MPRIP: variants seen among roughly 807,000 people sequenced by gnomAD.
MPRIP encodes the protein myosin phosphatase Rho-interacting protein.
MPRIP carries 59 observed loss-of-function variants against 234.9 expected under a neutral mutation model. The observed-to-expected ratio is 0.25, with a 90% confidence interval of 0.20 to 0.31. MPRIP has a LOEUF of 0.31. Among genes scored for constraint, MPRIP ranks in the 10% least tolerant of loss-of-function variants. The probability of loss-of-function intolerance (pLI) is 1.00; values close to 1 mark genes in which losing one functional copy is unlikely to be tolerated. For synonymous variants in MPRIP, 1,144 were observed against 1,263.9 expected, an observed-to-expected ratio of 0.91 and a Z score of 2.01; for missense variants, 2,436 against 3,071.0, an observed-to-expected ratio of 0.79 and a Z score of 4.89.
intron 16 of MPRIP, chr17:17,170,240 A>C (rs1416648079): frequency 6.6e-6 from 1 of 151,558 alleles, no homozygotes; most frequent in Admixed American, 6.6e-5. Context: ...TAAATGTGTT[A>C]ACTGAGAAGC....
At chr17:17,073,631 G>A (rs1249555177) in intron 1 of MPRIP, among the ~76,000 whole-genome samples, 3 of 152,110 alleles carry the variant, frequency 2.0e-5, no homozygotes, top group Non-Finnish European at 4.4e-5. Context: ...GGGAGTCACA[G>A]AGTCCAGATA....
Position 17,058,271 on chromosome 17 carries a change from G to A in MPRIP, c.123+15300G>A, listed in dbSNP as rs185122367. ...CCCCTCTTTGCAAGCAGGGACCTGGGGAGAGGATTCTAGGGGCCAGGGGGA... is the reference window on the plus strand; with the variant it reads ...CCCCTCTTTGCAAGCAGGGACCTGGAGAGAGGATTCTAGGGGCCAGGGGGA... On this transcript the variant is annotated intron_variant, in intron 1 of 23. Transcript: ENST00000651222. Among the ~76,000 whole-genome samples, 790 of 152,306 alleles carry A rather than the reference G, an allele frequency of 5.2e-3. 5 individuals carry two copies. The highest frequency in any genetic ancestry group is 9.3e-3 in the Non-Finnish European group (630 of 68,012).
In MPRIP at chr17:17,065,996, C is replaced by T. The variant is rs561184839; in HGVS notation, c.124-9714C>T. Among the ~76,000 whole-genome samples, 6 of 152,280 alleles carry T rather than the reference C, an allele frequency of 3.9e-5. No individual in the cohort carries two copies. In the South Asian group the frequency reaches 1.2e-3, roughly 32 times the overall value. On this transcript the variant is annotated intron_variant, in intron 1 of 23. Transcript: ENST00000651222. ...ATACAATTGATTTTTGTATGCTGAT[C>T]CTGTATCCTGAAACTTTGTTGAACT...
rs558029913 is a variant in MPRIP at position 17,112,260 on chromosome 17, A to T, written c.268-14442A>T. On this transcript the variant is annotated intron_variant, in intron 3 of 23. Transcript: ENST00000651222. ...CTTGGGCCTAGCTCTCTCTGTCGGGATCTCCCAGGACAAGTCTCGAGCCTT... is the reference window on the plus strand; with the variant it reads ...CTTGGGCCTAGCTCTCTCTGTCGGGTTCTCCCAGGACAAGTCTCGAGCCTT... Among the ~76,000 whole-genome samples the T allele has an allele frequency of 5.1e-4, 78 of 151,998 alleles. 1 individual carries two copies. In the South Asian group the frequency reaches 0.016, roughly 31 times the overall value.
At chr17:17,073,911 C>G (rs1445201806) in intron 1 of MPRIP, among the ~76,000 whole-genome samples, 1 of 152,190 alleles carries the variant, frequency 6.6e-6, no homozygotes, top group East Asian at 1.9e-4. Context: ...CAAAGCAAGC[C>G]TCTCCTGTCC....
intron 17 of MPRIP, 144 bp from the exon 18 acceptor site, chr17:17,172,554 T>A: frequency 1.6e-6 from 1 of 621,542 alleles, no homozygotes; most frequent in Non-Finnish European, 2.8e-6. Flanking sequence ...GGGGCCAGCC[T>A]GTCATGCAAA....
chr17:17,116,821 C>T (rs1218796011), intron 3 of MPRIP, among the ~76,000 whole-genome samples: 2 of 152,220 alleles, frequency 1.3e-5, no homozygotes, highest in Non-Finnish European at 2.9e-5. Flanking sequence ...ACCCTGCTCT[C>T]CCCTGGAATG....
At chr17:17,069,402 A>G (rs1051848638) in intron 1 of MPRIP, among the ~76,000 whole-genome samples, 2 of 151,852 alleles carry the variant, frequency 1.3e-5, no homozygotes, top group African/African-American at 4.8e-5. Flanking sequence ...TGGTGTATTT[A>G]GATCATTTAC....
At chr17:17,108,794 A>T (rs2090112694) in intron 3 of MPRIP, among the ~76,000 whole-genome samples, 4 of 152,168 alleles carry the variant, frequency 2.6e-5, no homozygotes, top group African/African-American at 9.7e-5. Flanking sequence ...TTTTCTCTAG[A>T]TCTGCCTGGC....
rs1157972241 is a variant in MPRIP at position 17,192,426 on chromosome 17, T to TGGGGGG, written c.*7532_*7533insGGGGGG. The TGGGGGG allele has an allele frequency of 3.4e-4, 1 of 2,968 alleles. No individual in the cohort carries two copies. Among genetic ancestry groups the TGGGGGG allele is most frequent in the African/African-American group, 9.4e-4 (1 of 1,066 alleles). 0.2% of individuals were successfully genotyped at this position (2,968 alleles called of 1,614,324 possible). A position where few individuals can be genotyped will look rare whatever the true frequency, so the allele number is the denominator to read the frequency against. On this transcript the variant is annotated 3_prime_UTR_variant, in exon 24 of 24. Coordinates refer to ENST00000651222, the MANE Select transcript of MPRIP (RefSeq NM_001364716.4). ...GACCAGCTGAGCTGCTGCTTTTTTT[T>TGGGGGG]TGGGGGGGGGGGGGGGAGGGGCGTC...
chr17:17,057,827 C>T, intron 1 of MPRIP: 1 of 651,902 alleles, frequency 1.5e-6, no homozygotes, highest in Non-Finnish European at 2.8e-6. Flanking sequence ...TGAAGAGCCG[C>T]TGATATACTC....
chr17:17,184,690 C>T (rs2046438913), intron 23 of MPRIP, 133 bp from the exon 24 acceptor site: 2 of 597,156 alleles, frequency 3.3e-6, no homozygotes, highest in Non-Finnish European at 6.3e-6. Context: ...TCCTGGCATG[C>T]CCACTAACCG....
chr17:17,093,374 G>T (rs1052924835), intron 3 of MPRIP, among the ~76,000 whole-genome samples: 2 of 152,308 alleles, frequency 1.3e-5, no homozygotes, highest in Non-Finnish European at 2.9e-5. Flanking sequence ...CTAAAGAGAA[G>T]TGTAAAATGC....
chr17:17,116,996 A>T (rs958999942), intron 3 of MPRIP, among the ~76,000 whole-genome samples: 1 of 152,176 alleles, frequency 6.6e-6, no homozygotes, highest in African/African-American at 2.4e-5. Flanking sequence ...GTAGATGGCC[A>T]TGGTCTCTGA....
Position 17,167,680 on chromosome 17 carries a change from G to A in MPRIP, c.6089G>A (p.Cys2030Tyr). The change falls in exon 16 of 24, where the codon TGC becomes TAC. Residue 2030 changes from cysteine (C) to tyrosine (Y), a missense_variant. Physicochemically the swap from Cys to Tyr is radical, Grantham distance 194. Around this residue, in one of 4 missense-constraint regions of MPRIP, gnomAD observed 1,998 missense variants for 2,520.3 expected, o/e 0.79. Transcript: ENST00000651222. The surrounding 1 kb of genome is among the most constrained non-coding windows in gnomAD (Gnocchi z 5.9). ...GAGCACTACTCGCAGAGCCTGAGGTGCCTTCAGGACACCCTCTGCCTCCAC... is the reference window on the plus strand; with the variant it reads ...GAGCACTACTCGCAGAGCCTGAGGTACCTTCAGGACACCCTCTGCCTCCAC... ...LQEHYSQSLR[C>Y]LQDTLCLHQG... 2 of 1,304,174 alleles carry A rather than the reference G, an allele frequency of 1.5e-6. No individual in the cohort carries two copies. Among genetic ancestry groups the A allele is most frequent in the Admixed American group, 2.3e-5 (1 of 43,572 alleles). The allele number at this position is 1,304,174 out of a possible 1,614,324, so 80.8% of individuals were successfully genotyped here.
rs1321409934 is a variant in MPRIP at position 17,186,209 on chromosome 17, C to T, written c.*1315C>T. ...GGTTTTCATGCCAAGAACATGCTTT[C>T]ACTTTGTATTCATGCTTGTGTTGGT... On this transcript the variant is annotated 3_prime_UTR_variant, in exon 24 of 24. Coordinates refer to ENST00000651222, the MANE Select transcript of MPRIP (RefSeq NM_001364716.4). 1 of 152,128 alleles carries T rather than the reference C, an allele frequency of 6.6e-6. No individual in the cohort carries two copies. Among genetic ancestry groups the T allele is most frequent in the African/African-American group, 2.4e-5 (1 of 41,408 alleles). 9.4% of individuals were successfully genotyped at this position (152,128 alleles called of 1,614,324 possible).
intron 6 of MPRIP, among the ~76,000 whole-genome samples, chr17:17,136,970 C>T (rs2090714212): frequency 6.6e-6 from 1 of 152,190 alleles, no homozygotes; most frequent in Non-Finnish European, 1.5e-5. Context: ...CCATCTTTGT[C>T]TGTCTTGTTC....
In MPRIP at chr17:17,143,637, C is replaced by T; in HGVS notation, c.1471C>T (p.Leu491=). The T allele has an allele frequency of 6.2e-7, 1 of 1,607,826 alleles. No homozygotes were observed. Among genetic ancestry groups the T allele is most frequent in the Non-Finnish European group, 8.5e-7 (1 of 1,177,376 alleles). The change falls in exon 9 of 24, where the codon CTG becomes TTG. Residue 491 remains leucine, a synonymous_variant. Coordinates refer to ENST00000651222, the MANE Select transcript of MPRIP (RefSeq NM_001364716.4). ...PLSPHRRAKS[L]DRRSTEPSVT... ...GTCTCCACACCGAAGAGCCAAGTCA[C>T]TGGACAGGAGGTCCACGGAGCCCTC... is the stretch of plus-strand genomic sequence containing the variant.
rs919509258 is a variant in MPRIP at position 17,136,447 on chromosome 17, G to A, written c.733G>A (p.Glu245Lys). Residue 245 changes from glutamate (E) to lysine (K), a missense_variant, in exon 6 of 24, where the codon GAA becomes AAA. Transcript: ENST00000651222. ...GCGGGAACCTGGGCTAGAGAGCAAA[G>A]AAGGTGAGCGGAGGCCAGGCTGGCT... ...SLREPGLESK[E>K]EESAMSSDRM... 11 of 1,608,536 alleles carry A rather than the reference G, an allele frequency of 6.8e-6. No individual in the cohort carries two copies. Among genetic ancestry groups the A allele is most frequent in the Non-Finnish European group, 9.3e-6 (11 of 1,177,342 alleles).
Sources: allele counts gnomAD v4.1 joint callset (sites outside exome capture counted in the v4.1 genomes callset), GRCh38; gene constraint gnomAD v4.1.1; regional missense constraint gnomAD v4.1.1; non-coding constraint Gnocchi (gnomAD v3.1); transcripts MANE v1.5; gene names NCBI Gene and HGNC (gene_info 2026-07-23, HGNC 2026-07-21).